The following PDGFD variants were observed in gnomAD, a reference collection of about 807,000 sequenced individuals.
The protein encoded by PDGFD is platelet derived growth factor D.
A neutral mutation model predicts 44.7 loss-of-function variants in PDGFD; 30 were observed. That is an observed-to-expected ratio of 0.67 (90% CI 0.50 to 0.91). PDGFD has a LOEUF of 0.91. Ranked by LOEUF, PDGFD falls within the 40% of genes least tolerant of loss-of-function variation. The pLI, the probability that PDGFD is intolerant of heterozygous loss-of-function variation, is 0.00. For missense variants in PDGFD, 445 were observed against 457.8 expected (o/e 0.97, Z 0.25); for synonymous variants, 173 against 168.4 (o/e 1.03, Z -0.21).
At chr11:104,097,442 A>G (rs671851) in intron 1 of PDGFD, among the ~76,000 whole-genome samples, 107,097 of 151,906 alleles carry the variant, frequency 0.71, 38,106 homozygotes, top group East Asian at 0.98. Context: ...CTGTTCTTAA[A>G]GTTCATCTGA....
chr11:104,072,507 A>G (rs543185303), intron 1 of PDGFD, among the ~76,000 whole-genome samples: 19 of 151,956 alleles, frequency 1.3e-4, no homozygotes, highest in Admixed American at 9.8e-4. Context: ...CGGGTATACA[A>G]TCGTATCATC....
At position 103,925,716 on chromosome 11, in the gene PDGFD, C is replaced by CACACATATATAT. The variant is rs1198529368; in HGVS notation, c.987+1195_987+1196insATATATATGTGT. Among the ~76,000 whole-genome samples the CACACATATATAT allele has an allele frequency of 2.9e-3, 361 of 122,752 alleles. 3 individuals are homozygous for CACACATATATAT. In the East Asian group the frequency reaches 0.032, roughly 11 times the overall value. The allele number at this position is 122,752 out of a possible 152,430, so 80.5% of individuals were successfully genotyped here. A position where few individuals can be genotyped will look rare whatever the true frequency, so the allele number is the denominator to read the frequency against. On this transcript the variant is annotated intron_variant, in intron 6 of 6. Coordinates refer to ENST00000393158, the MANE Select transcript of PDGFD (RefSeq NM_025208.5). ...ATATATATACACAGACACACACACA[C>CACACATATATAT]ATATATATATATATATATATGTAAT... is the stretch of plus-strand genomic sequence containing the variant.
chr11:104,022,603 A>G (rs879475796), intron 1 of PDGFD, among the ~76,000 whole-genome samples: 2 of 152,162 alleles, frequency 1.3e-5, no homozygotes, highest in Non-Finnish European at 2.9e-5. Context: ...TTACAAAAAT[A>G]AAAGTGATAC....
At chr11:103,986,268 A>G (rs1340739022) in intron 3 of PDGFD, among the ~76,000 whole-genome samples, 1 of 152,180 alleles carries the variant, frequency 6.6e-6, no homozygotes, top group Non-Finnish European at 1.5e-5. Flanking sequence ...CCCAGTTAGA[A>G]TGGCTGAATC....
Position 104,083,952 on chromosome 11 carries a change from A to C in PDGFD, c.124+79852T>G, listed in dbSNP as rs558703468. On this transcript the variant is annotated intron_variant, in intron 1 of 6. Transcript: ENST00000393158. The stretch of plus-strand genomic sequence containing the variant: ...AAGGTGCTAAAAAGTTTAAAATCCC[A>C]TGTACAGGTTATGAAAAGCAGCCAA... Among the ~76,000 whole-genome samples the C allele has an allele frequency of 3.9e-5, 6 of 152,312 alleles. No individual in the cohort carries two copies. In the East Asian group the frequency reaches 9.6e-4, roughly 24 times the overall value.
intron 1 of PDGFD, among the ~76,000 whole-genome samples, chr11:104,127,358 T>G (rs776751989): frequency 8.5e-5 from 13 of 152,068 alleles, no homozygotes; most frequent in Non-Finnish European, 1.8e-4. Flanking sequence ...CTTAGAGAGT[T>G]TTGAAAGTTT....
chr11:103,956,910 T>G (rs1365608555), intron 3 of PDGFD, among the ~76,000 whole-genome samples: 3 of 152,186 alleles, frequency 2.0e-5, no homozygotes, highest in Non-Finnish European at 4.4e-5. Context: ...GATGGGGTTG[T>G]TTTTTTCTTG....
intron 1 of PDGFD, among the ~76,000 whole-genome samples, chr11:104,106,078 G>A (rs1033699856): frequency 2.0e-5 from 3 of 152,078 alleles, no homozygotes; most frequent in Non-Finnish European, 2.9e-5. Context: ...AGGGAGTTTA[G>A]GTAATACATA....
intron 1 of PDGFD, among the ~76,000 whole-genome samples, chr11:104,104,424 C>T (rs1861442282): frequency 6.6e-6 from 1 of 152,120 alleles, no homozygotes; most frequent in African/African-American, 2.4e-5. Context: ...AGGGCAACTT[C>T]CAGTCCTGCA....
intron 1 of PDGFD, among the ~76,000 whole-genome samples, chr11:104,101,498 T>C (rs963967884): frequency 8.5e-5 from 13 of 152,138 alleles, no homozygotes; most frequent in African/African-American, 3.1e-4. Flanking sequence ...ATGGTCATAC[T>C]GCCCAAGGTA....
At chr11:104,009,356 C>T (rs1475267641) in intron 1 of PDGFD, among the ~76,000 whole-genome samples, 3 of 151,984 alleles carry the variant, frequency 2.0e-5, no homozygotes, top group African/African-American at 7.2e-5. Flanking sequence ...AGGTTCTCAT[C>T]CTATGCAACC....
rs1196773994 is a variant in PDGFD, at chr11:103,957,620, G to A, written c.511-9896C>T. 4.6e-5 allele frequency among the ~76,000 whole-genome samples: 7 copies of A among 152,274 alleles called. No homozygotes were observed. The East Asian group carries it at 1.3e-3, about 29-fold the overall frequency. ...TGAGAAAAACAAGCAATGGTGAAAGGATTCCCTATTTAATAAATGGTGCTG... is the reference window on the plus strand; with the variant it reads ...TGAGAAAAACAAGCAATGGTGAAAGAATTCCCTATTTAATAAATGGTGCTG... On this transcript the variant is annotated intron_variant, in intron 3 of 6. Coordinates refer to ENST00000393158, the MANE Select transcript of PDGFD (RefSeq NM_025208.5).
chr11:103,973,768 C>T (rs11226100), intron 3 of PDGFD, among the ~76,000 whole-genome samples: 2,957 of 152,108 alleles, frequency 0.019, 133 homozygotes, highest in East Asian at 0.16. Flanking sequence ...ATGAACATGC[C>T]CCACATAATA....
chr11:104,110,115 A>G (rs953943589), intron 1 of PDGFD, among the ~76,000 whole-genome samples: 10 of 152,160 alleles, frequency 6.6e-5, no homozygotes, highest in African/African-American at 1.4e-4. Flanking sequence ...TATAAAATAC[A>G]TGTTTTCATA....
At chr11:103,956,574 T>G (rs1021781242) in intron 3 of PDGFD, among the ~76,000 whole-genome samples, 1 of 151,478 alleles carries the variant, frequency 6.6e-6, no homozygotes, top group Admixed American at 6.6e-5. Context: ...TGGGTATATA[T>G]CCAGTAATGG....
At position 104,163,984 on chromosome 11, in the gene PDGFD, G is replaced by C; in HGVS notation, c.-57C>G. On this transcript the variant is annotated 5_prime_UTR_variant, in exon 1 of 7. Coordinates refer to ENST00000393158, the MANE Select transcript of PDGFD (RefSeq NM_025208.5). ...CAAGAAAAAGCCGGGTTCTGCTCCC[G>C]GGACCGACGCCGCGCCGCCCTGCGC... 6.8e-7 allele frequency: 1 copy of C among 1,467,914 alleles called. No individual in the cohort carries two copies. The highest frequency in any genetic ancestry group is 9.1e-7 in the Non-Finnish European group (1 of 1,094,114). 90.9% of individuals were successfully genotyped at this position (1,467,914 alleles called of 1,614,324 possible).
intron 6 of PDGFD, among the ~76,000 whole-genome samples, chr11:103,917,858 G>C (rs1858151597): frequency 6.6e-6 from 1 of 152,176 alleles, no homozygotes. Context: ...AGGGAGACCT[G>C]TGATGCTTTG....
intron 3 of PDGFD, among the ~76,000 whole-genome samples, chr11:103,959,425 T>G (rs1858903860): frequency 6.6e-6 from 1 of 152,190 alleles, no homozygotes; most frequent in Non-Finnish European, 1.5e-5. Flanking sequence ...AGAGAGATGG[T>G]TAATGTAAAG....
At chr11:104,098,805 C>G (rs1861323542) in intron 1 of PDGFD, among the ~76,000 whole-genome samples, 1 of 152,102 alleles carries the variant, frequency 6.6e-6, no homozygotes, top group African/African-American at 2.4e-5. Context: ...CTAGCCTCTT[C>G]TGTTTTTCTT....
Sources: gnomAD v4.1 joint callset for allele counts (sites outside exome capture counted in the v4.1 genomes callset) on GRCh38, gnomAD v4.1.1 for gene constraint, MANE v1.5 for transcripts, NCBI Gene and HGNC (gene_info 2026-07-23, HGNC 2026-07-21) for gene names.